The following ZBTB11 variants were observed in gnomAD, a reference collection of about 807,000 sequenced individuals.
ZBTB11 encodes zinc finger and BTB domain-containing protein 11.
A neutral mutation model predicts 113.1 loss-of-function variants in ZBTB11; 68 were observed. The ratio of observed to expected loss-of-function variants is 0.60; its 90% confidence interval spans 0.49 to 0.74. ZBTB11 has a LOEUF of 0.74. Among genes scored for constraint, ZBTB11 ranks in the 30% least tolerant of loss-of-function variants. ZBTB11 has a pLI of 0.00. For synonymous variants in ZBTB11, 518 were observed against 452.6 expected (o/e 1.14, Z -1.83); for missense variants, 1,104 against 1,279.4 (o/e 0.86, Z 2.09).
chr3:101,654,741 G>A lies in ZBTB11; in HGVS notation c.2272C>T (p.Gln758Ter). ...SGLSKHFKKH[Q>*]PKPEVRGYHC... ...TAGCCTCGAACCTCAGGCTTTGGTT[G>A]GTGTTTCTTGAAGTGCTTGCTGAGT... Residue 758 changes from glutamine to a stop codon, truncating the protein, a stop_gained, in exon 8 of 11, where the codon CAA becomes TAA. Transcript: ENST00000312938. LOFTEE classifies it high-confidence loss of function. 6.2e-7 allele frequency: 1 copy of A among 1,614,110 alleles called. No homozygotes were observed. The highest frequency in any genetic ancestry group is 8.5e-7 in the Non-Finnish European group (1 of 1,180,010).
Position 101,651,331 on chromosome 3 carries a change from A to G in ZBTB11, c.2997T>C (p.Val999=), listed in dbSNP as rs569562978. ...CCGATGGATACTCTTCAGTAGCTGC[A>G]ACAGCTTCCAGAGCTTCCATAGTTT... ...TGETMEALEA[V]AATEEYPSVS... Residue 999 remains valine (V), a synonymous_variant, in exon 11 of 11, where the codon GTT becomes GTC. Transcript: ENST00000312938. 3 of 1,614,140 alleles carry G rather than the reference A, an allele frequency of 1.9e-6. No homozygotes were observed. Among genetic ancestry groups the G allele is most frequent in the Middle Eastern group, 1.6e-4 (1 of 6,062 alleles).
chr3:101,663,403 A>C (rs1053204439), intron 5 of ZBTB11, among the ~76,000 whole-genome samples: 6 of 152,204 alleles, frequency 3.9e-5, no homozygotes, highest in Non-Finnish European at 7.3e-5. Context: ...TTTTGTCATG[A>C]GTCAATAATC....
intron 2 of ZBTB11, chr3:101,671,586 G>A (rs1473545052): frequency 3.4e-6 from 2 of 581,826 alleles, no homozygotes; most frequent in Admixed American, 6.4e-5. Flanking sequence ...ACTTCTGGCT[G>A]CCTCTTCTTA....
chr3:101,668,614 TTC>T (rs1937033599), intron 3 of ZBTB11, among the ~76,000 whole-genome samples: 1 of 137,352 alleles, frequency 7.3e-6, no homozygotes, highest in African/African-American at 2.6e-5. Context: ...CAGAATAAGA[TTC>T]TGTCAAAAAA....
At chr3:101,663,077 C>G (rs1174373066) in intron 5 of ZBTB11, among the ~76,000 whole-genome samples, 2 of 152,016 alleles carry the variant, frequency 1.3e-5, no homozygotes, top group Non-Finnish European at 2.9e-5. Context: ...GTAGCTGGAA[C>G]TACAGGTGCT....
At chr3:101,663,605 C>G (rs1936929533) in intron 5 of ZBTB11, among the ~76,000 whole-genome samples, 1 of 151,980 alleles carries the variant, frequency 6.6e-6, no homozygotes, top group Non-Finnish European at 1.5e-5. Context: ...AAAGAAAGAC[C>G]TTGGGCCGGG....
At chr3:101,667,597 C>CT (rs1283925712) in intron 3 of ZBTB11, among the ~76,000 whole-genome samples, 1 of 152,154 alleles carries the variant, frequency 6.6e-6, no homozygotes, top group Non-Finnish European at 1.5e-5. Flanking sequence ...CTGAAAAAAA[C>CT]TGAGGGGACT....
chr3:101,676,416 C>G (rs1307247992), intron 1 of ZBTB11, 189 bp downstream of exon 1: 2 of 582,330 alleles, frequency 3.4e-6, no homozygotes, highest in Admixed American at 4.3e-5. Flanking sequence ...CCCAGCTTCG[C>G]CGGCCTCCTT....
At position 101,651,447 on chromosome 3, in the gene ZBTB11, C is replaced by A. The variant is rs770692954; in HGVS notation, c.2881G>T (p.Val961Leu). 1 of 1,614,190 alleles carries A rather than the reference C, an allele frequency of 6.2e-7. No individual in the cohort carries two copies. The highest frequency in any genetic ancestry group is 8.5e-7 in the Non-Finnish European group (1 of 1,180,026). Reference sequence around the variant, plus strand: ...GTTAAGATGCTAACAGCATGTGCCACTTGAGTTCCTTGGTTATGAAACTGA... The same window carrying A: ...GTTAAGATGCTAACAGCATGTGCCAATTGAGTTCCTTGGTTATGAAACTGA... ...TLQFHNQGTQ[V>L]AHAVSILTAG... is the part of the protein sequence containing the mutation. The change falls in exon 11 of 11, where the codon GTG (valine) becomes TTG (leucine). Residue 961 changes from valine to leucine, a missense_variant. Coordinates refer to ENST00000312938, the MANE Select transcript of ZBTB11 (RefSeq NM_014415.4).
rs1936689596 is a variant in ZBTB11 at position 101,650,897 on chromosome 3, A to AT, written c.*268dup. 2 of 262,838 alleles carry AT rather than the reference A, an allele frequency of 7.6e-6. No individual in the cohort carries two copies. Among genetic ancestry groups the AT allele is most frequent in the South Asian group, 2.5e-4 (2 of 7,912 alleles). The allele number at this position is 262,838 out of a possible 1,614,324, so 16.3% of individuals were successfully genotyped here. A position where few individuals can be genotyped will look rare whatever the true frequency, so the allele number is the denominator to read the frequency against. On this transcript the variant is annotated 3_prime_UTR_variant, in exon 11 of 11. Coordinates refer to ENST00000312938, the MANE Select transcript of ZBTB11 (RefSeq NM_014415.4). The stretch of plus-strand genomic sequence containing the variant: ...TTATAAACATTAATTCATAAAAGGT[A>AT]TATCATGATAAACCACTGCCATCAA...
intron 8 of ZBTB11, among the ~76,000 whole-genome samples, chr3:101,653,255 G>A (rs1361932879): frequency 6.6e-6 from 1 of 152,096 alleles, no homozygotes; most frequent in Non-Finnish European, 1.5e-5. Context: ...ATGTGTTGAG[G>A]GTAGACTTTA....
At chr3:101,668,522 G>A (rs934766641) in intron 3 of ZBTB11, among the ~76,000 whole-genome samples, 106 of 151,930 alleles carry the variant, frequency 7.0e-4, no homozygotes, top group African/African-American at 2.5e-3. Context: ...CCACCTACAC[G>A]GGAGGCCAAA....
In ZBTB11 at chr3:101,649,489, T is replaced by C. The variant is rs139702929; in HGVS notation, c.*1677A>G. On this transcript the variant is annotated 3_prime_UTR_variant, in exon 11 of 11. Coordinates refer to ENST00000312938, the MANE Select transcript of ZBTB11 (RefSeq NM_014415.4). ...ATCTTTTATTTACATGTTTATGACA[T>C]ACATTAATGGTCATACACAATTTTT... 44 of 152,348 alleles carry C rather than the reference T, an allele frequency of 2.9e-4. 1 individual carries two copies. In the East Asian group the frequency reaches 5.8e-3, roughly 20 times the overall value. The allele number at this position is 152,348 out of a possible 1,614,324, so 9.4% of individuals were successfully genotyped here.
chr3:101,670,536 A>C (rs1937071611), intron 3 of ZBTB11: 1 of 152,232 alleles, frequency 6.6e-6, no homozygotes, highest in Non-Finnish European at 1.5e-5. Flanking sequence ...AATAAACTCT[A>C]AGGATTAATC....
chr3:101,668,140 C>CT (rs1480989057), intron 3 of ZBTB11, among the ~76,000 whole-genome samples: 9 of 83,398 alleles, frequency 1.1e-4, no homozygotes, highest in East Asian at 3.6e-4. Context: ...TATGGGGGAG[C>CT]TAAAAAAAAA....
chr3:101,653,361 TTAACTTGA>T (rs1295807508), intron 8 of ZBTB11, among the ~76,000 whole-genome samples: 1 of 152,178 alleles, frequency 6.6e-6, no homozygotes, highest in Non-Finnish European at 1.5e-5. Flanking sequence ...GATGACTGAC[TTAACTTGA>T]TGTAAATGGA....
Position 101,671,236 on chromosome 3 carries a change from C to T in ZBTB11, c.672G>A (p.Glu224=). 1 of 1,614,156 alleles carries T rather than the reference C, an allele frequency of 6.2e-7. No homozygotes were observed. The highest frequency in any genetic ancestry group is 8.5e-7 in the Non-Finnish European group (1 of 1,180,004). Residue 224 remains glutamate (E), a synonymous_variant, in exon 3 of 11, where the codon GAG becomes GAA. Coordinates refer to ENST00000312938, the MANE Select transcript of ZBTB11 (RefSeq NM_014415.4). ...CDVTLLIEGE[E]YKAHKSVLSA... is the part of the protein sequence containing the mutation. ...ACAAAACAGATTTATGAGCTTTGTA[C>T]TCTTCTCCTTCAATTAACAAAGTAA...
chr3:101,665,610 G>C lies in ZBTB11; in HGVS notation c.977C>G (p.Thr326Arg). Reference protein sequence around the residue: ...LTVYKKGEVQTVASTQDLRVQ... With the variant: ...LTVYKKGEVQRVASTQDLRVQ... ...TCGTAAGTCCTGGGTGGATGCAACTGTTTGTACTTCGCCCTTCTTATATAC... is the reference window on the plus strand; with the variant it reads ...TCGTAAGTCCTGGGTGGATGCAACTCTTTGTACTTCGCCCTTCTTATATAC... The change falls in exon 4 of 11, where the codon ACA becomes AGA. Residue 326 changes from threonine to arginine, a missense_variant. Around this residue, in one of 5 missense-constraint regions of ZBTB11, gnomAD observed 535 missense variants for 518.6 expected, o/e 1.03. Transcript: ENST00000312938. The C allele has an allele frequency of 6.2e-7, 1 of 1,614,224 alleles. No homozygotes were observed. Among genetic ancestry groups the C allele is most frequent in the Non-Finnish European group, 8.5e-7 (1 of 1,180,036 alleles).
At chr3:101,664,054 A>T (rs1013475311) in intron 5 of ZBTB11, among the ~76,000 whole-genome samples, 6 of 152,204 alleles carry the variant, frequency 3.9e-5, no homozygotes. Context: ...AGAGAGTAGA[A>T]GATGGATCTT....
Sources: gnomAD v4.1 joint callset for allele counts (sites outside exome capture counted in the v4.1 genomes callset) on GRCh38, gnomAD v4.1.1 for gene constraint, gnomAD v4.1.1 regional missense constraint, MANE v1.5 for transcripts, NCBI Gene and HGNC (gene_info 2026-07-23, HGNC 2026-07-21) for gene names.